The following ERMP1 variants were observed in gnomAD, a reference collection of about 807,000 sequenced individuals.
ERMP1 encodes endoplasmic reticulum metallopeptidase 1.
In ERMP1, 86 loss-of-function variants were observed where a neutral mutation model predicts 92.0. The observed-to-expected ratio is 0.93, with a 90% CI of 0.79 to 1.12. The LOEUF (loss-of-function observed/expected upper bound fraction) is 1.12. ERMP1 is among the 50% of genes most tolerant of loss of function. ERMP1 has a pLI of 0.00. For missense variants in ERMP1, 1,342 were observed against 1,116.3 expected, an observed-to-expected ratio of 1.20 and a Z score of -2.88; for synonymous variants, 530 against 412.8, an observed-to-expected ratio of 1.28 and a Z score of -3.44.
At chr9:5,813,860 A>G (rs1160357641) in intron 4 of ERMP1, among the ~76,000 whole-genome samples, 1 of 148,342 alleles carries the variant, frequency 6.7e-6, no homozygotes, top group Non-Finnish European at 1.5e-5. Context: ...TATAATTTAT[A>G]TAATTATATA....
intron 6 of ERMP1, among the ~76,000 whole-genome samples, chr9:5,840,980 C>T (rs916864287): frequency 4.0e-4 from 61 of 152,282 alleles, no homozygotes; most frequent in Admixed American, 3.3e-3. Flanking sequence ...GAGCCTGAGG[C>T]GAACTTGATT....
chr9:5,866,412 T>C (rs1197087924), intron 5 of ERMP1, among the ~76,000 whole-genome samples: 1 of 152,158 alleles, frequency 6.6e-6, no homozygotes, highest in Non-Finnish European at 1.5e-5. Context: ...TGTTTGGATA[T>C]ATACAAACAG....
intron 3 of ERMP1, among the ~76,000 whole-genome samples, chr9:5,824,554 C>G (rs1314790588): frequency 6.6e-6 from 1 of 152,158 alleles, no homozygotes; most frequent in Non-Finnish European, 1.5e-5. Flanking sequence ...AGGCACCCAC[C>G]ACCACGCCTG....
At chr9:5,799,704 C>T (rs1034095261) in intron 11 of ERMP1, among the ~76,000 whole-genome samples, 1 of 152,202 alleles carries the variant, frequency 6.6e-6, no homozygotes, top group Non-Finnish European at 1.5e-5. Context: ...GTATTGCTGA[C>T]AAAGCCCAAA....
chr9:5,803,395 C>G (rs1284537594), intron 10 of ERMP1, among the ~76,000 whole-genome samples: 1 of 152,178 alleles, frequency 6.6e-6, no homozygotes, highest in Non-Finnish European at 1.5e-5. Flanking sequence ...TGATAAGACA[C>G]TTTAATCCTC....
intron 4 of ERMP1, among the ~76,000 whole-genome samples, chr9:5,822,970 A>G (rs1829597139): frequency 6.6e-6 from 1 of 152,198 alleles, no homozygotes; most frequent in Non-Finnish European, 1.5e-5. Flanking sequence ...ATCCTTAGAA[A>G]AGTTTAATCA....
At chr9:5,806,818 T>C (rs1379101147) in intron 8 of ERMP1, among the ~76,000 whole-genome samples, 1 of 152,112 alleles carries the variant, frequency 6.6e-6, no homozygotes, top group East Asian at 1.9e-4. Context: ...TTACGGTGCA[T>C]AAATACAAAG....
At chr9:5,847,802 G>C (rs2096903781) in intron 6 of ERMP1, among the ~76,000 whole-genome samples, 1 of 151,898 alleles carries the variant, frequency 6.6e-6, no homozygotes, top group African/African-American at 2.4e-5. Context: ...GGCTGAGGCA[G>C]GAGAATGGCG....
At chr9:5,817,893 G>A (rs374029942) in intron 4 of ERMP1, among the ~76,000 whole-genome samples, 1 of 152,280 alleles carries the variant, frequency 6.6e-6, no homozygotes, top group African/African-American at 2.4e-5. Context: ...GAGACTAAGA[G>A]TGGTAAATAT....
Position 5,786,989 on chromosome 9 carries a change from A to T in ERMP1, c.*155T>A. 1 of 703,896 alleles carries T rather than the reference A, an allele frequency of 1.4e-6. No homozygotes were observed. Among genetic ancestry groups the T allele is most frequent in the Non-Finnish European group, 2.3e-6 (1 of 442,040 alleles). The allele number at this position is 703,896 out of a possible 1,614,324, so 43.6% of individuals were successfully genotyped here. A position where few individuals can be genotyped will look rare whatever the true frequency, so the allele number is the denominator to read the frequency against. ...CACTGCGCCACAGCTAAACCCTTAT[A>T]GTGCTTGGCCCTGAAAAGCGTTAAC... On this transcript the variant is annotated 3_prime_UTR_variant, in exon 15 of 15. Coordinates refer to ENST00000339450, the MANE Select transcript of ERMP1 (RefSeq NM_024896.3).
At chr9:5,791,738 A>G (rs1828206662) in intron 13 of ERMP1, among the ~76,000 whole-genome samples, 1 of 152,214 alleles carries the variant, frequency 6.6e-6, no homozygotes, top group Non-Finnish European at 1.5e-5. Context: ...GAATGCTTTA[A>G]AAGAAAAACA....
At chr9:5,866,912 T>C (rs1830684086) in intron 5 of ERMP1, among the ~76,000 whole-genome samples, 1 of 152,128 alleles carries the variant, frequency 6.6e-6, no homozygotes, top group South Asian at 2.1e-4. Context: ...GTAATAAGAA[T>C]GGGTTGTTTG....
chr9:5,789,635 G>C (rs780781666), intron 13 of ERMP1, among the ~76,000 whole-genome samples: 3 of 152,160 alleles, frequency 2.0e-5, no homozygotes, highest in South Asian at 2.1e-4. Context: ...CTACCACCTA[G>C]GCTGGAATGC....
In ERMP1 at chr9:5,825,079, A is replaced by T; in HGVS notation, c.768+13T>A. 5 of 1,612,648 alleles carry T rather than the reference A, an allele frequency of 3.1e-6. No homozygotes were observed. The highest frequency in any genetic ancestry group is 3.4e-6 in the Non-Finnish European group (4 of 1,178,760). ...CTTATTCAAGCCTGATATTTAAAAC[A>T]GTAAAATCTCACTTGCAAGACATTT... On this transcript the variant is annotated intron_variant, in intron 3 of 14. Transcript: ENST00000339450.
intron 6 of ERMP1, among the ~76,000 whole-genome samples, 176 bp from the exon 7 acceptor site, chr9:5,811,499 C>T (rs938880294): frequency 2.6e-5 from 4 of 152,168 alleles, no homozygotes; most frequent in Non-Finnish European, 4.4e-5. Flanking sequence ...TCCTACTGCT[C>T]TCCCTCACTT....
intron 2 of ERMP1, among the ~76,000 whole-genome samples, chr9:5,830,097 AC>A (rs1424423380): frequency 2.0e-5 from 3 of 152,236 alleles, no homozygotes; most frequent in African/African-American, 7.2e-5. Context: ...TTATAGGTCA[AC>A]AGAATCTGCT....
At chr9:5,808,155 A>G (rs1415732637) in intron 8 of ERMP1, among the ~76,000 whole-genome samples, 1 of 152,130 alleles carries the variant, frequency 6.6e-6, no homozygotes, top group African/African-American at 2.4e-5. Flanking sequence ...TACCATGTTC[A>G]CTGGGCACTT....
At chr9:5,787,628 TTTTA>T (rs1173444771) in intron 13 of ERMP1, 35 bp from the exon 14 acceptor site, 1 of 1,582,918 alleles carries the variant, frequency 6.3e-7, no homozygotes, top group Non-Finnish European at 8.6e-7. Context: ...CAGTTAATCT[TTTTA>T]AAAGGATCAA....
chr9:5,800,902 T>C (rs928106568), intron 11 of ERMP1, among the ~76,000 whole-genome samples: 1 of 152,234 alleles, frequency 6.6e-6, no homozygotes, highest in Non-Finnish European at 1.5e-5. Context: ...AAATATTTGC[T>C]CCTGTTTTTC....
Sources: allele counts gnomAD v4.1 joint callset (sites outside exome capture counted in the v4.1 genomes callset), GRCh38; gene constraint gnomAD v4.1.1; transcripts MANE v1.5; gene names NCBI Gene and HGNC (gene_info 2026-07-23, HGNC 2026-07-21).